Variants in MACC1 observed in about 807,000 individuals in gnomAD.
The protein encoded by MACC1 is MET transcriptional regulator MACC1, also known as metastasis-associated in colon cancer protein 1.
Under a neutral mutation model 70.7 loss-of-function variants are expected in MACC1, and 79 were observed. The ratio of observed to expected loss-of-function variants is 1.12; its 90% CI spans 0.93 to 1.35. The LOEUF (loss-of-function observed/expected upper bound fraction) is 1.35. MACC1 is among the 40% of genes most tolerant of loss of function. The pLI, the probability that MACC1 is intolerant of heterozygous loss-of-function variation, is 0.00. For synonymous variants in MACC1, 361 were observed against 347.2 expected (o/e 1.04, Z -0.44); for missense variants, 1,106 against 978.1 (o/e 1.13, Z -1.74).
At chr7:20,183,761 T>A (rs992947952) in intron 1 of MACC1, among the ~76,000 whole-genome samples, 3 of 147,814 alleles carry the variant, frequency 2.0e-5, no homozygotes, top group Non-Finnish European at 4.4e-5. Context: ...CGGGCTGGAG[T>A]GCAGTGGCAT....
intron 6 of MACC1, among the ~76,000 whole-genome samples, chr7:20,151,684 G>A (rs1434242310): frequency 1.3e-5 from 2 of 152,176 alleles, no homozygotes; most frequent in Non-Finnish European, 2.9e-5. Flanking sequence ...CAGAAAATCT[G>A]ACAAATTTAT....
rs1279829867 is a variant in MACC1 at position 20,135,160 on chromosome 7, T to C, written c.*5786A>G. The C allele has an allele frequency of 6.6e-6, 1 of 152,304 alleles. No individual in the cohort carries two copies. The highest frequency in any genetic ancestry group is 2.1e-4 in the South Asian group (1 of 4,824). 9.4% of individuals were successfully genotyped at this position (152,304 alleles called of 1,614,324 possible). A position where few individuals can be genotyped will look rare whatever the true frequency, so the allele number is the denominator to read the frequency against. On this transcript the variant is annotated 3_prime_UTR_variant, in exon 7 of 7. Coordinates refer to ENST00000400331, the MANE Select transcript of MACC1 (RefSeq NM_182762.4). ...TCCGAAGATATTTTACAGAAACAAA[T>C]GCAATGTTACATATATTTTGTAAAA...
intron 1 of MACC1, among the ~76,000 whole-genome samples, chr7:20,202,374 T>G (rs1782845701): frequency 6.6e-6 from 1 of 152,200 alleles, no homozygotes; most frequent in Non-Finnish European, 1.5e-5. Context: ...TTTTAGAAAT[T>G]TCTAGATTTC....
At chr7:20,180,929 G>A (rs572554103) in intron 1 of MACC1, among the ~76,000 whole-genome samples, 5 of 152,190 alleles carry the variant, frequency 3.3e-5, no homozygotes, top group Admixed American at 1.3e-4. Context: ...TATGAAATAT[G>A]TATAGAAATA....
chr7:20,181,115 A>G (rs1207372120), intron 1 of MACC1, among the ~76,000 whole-genome samples: 1 of 149,898 alleles, frequency 6.7e-6, no homozygotes, highest in African/African-American at 2.5e-5. Flanking sequence ...TGTATAATTA[A>G]CATTTACTTA....
At chr7:20,200,389 C>T (rs982432098) in intron 1 of MACC1, among the ~76,000 whole-genome samples, 5 of 152,114 alleles carry the variant, frequency 3.3e-5, no homozygotes, top group African/African-American at 1.2e-4. Flanking sequence ...AAAGAAAACA[C>T]ACGATGACTT....
intron 1 of MACC1, among the ~76,000 whole-genome samples, chr7:20,173,246 A>C (rs1490256202): frequency 6.6e-6 from 1 of 152,216 alleles, no homozygotes; most frequent in Non-Finnish European, 1.5e-5. Context: ...AAAACATATT[A>C]TTAAACATAA....
intron 1 of MACC1, among the ~76,000 whole-genome samples, chr7:20,201,472 G>A (rs544551841): frequency 1.3e-5 from 2 of 152,286 alleles, no homozygotes; most frequent in Admixed American, 1.3e-4. Context: ...GCAGAGGCAA[G>A]GATGGGGGAG....
chr7:20,170,647 A>ACAAG (rs1208772833), intron 2 of MACC1, 67 bp downstream of exon 2: 2 of 152,250 alleles, frequency 1.3e-5, no homozygotes, highest in Non-Finnish European at 2.9e-5. Context: ...ACTGTATGGA[A>ACAAG]TTAATCGTAA....
intron 1 of MACC1, among the ~76,000 whole-genome samples, chr7:20,187,090 A>G (rs1057375095): frequency 2.0e-5 from 3 of 152,228 alleles, no homozygotes; most frequent in Admixed American, 6.5e-5. Context: ...TAACCCAAGC[A>G]TAAGTGAAGA....
intron 1 of MACC1, among the ~76,000 whole-genome samples, chr7:20,175,880 T>C (rs1208712601): frequency 1.3e-5 from 2 of 152,062 alleles, no homozygotes; most frequent in Non-Finnish European, 2.9e-5. Context: ...ATAGCAAATA[T>C]AAAGCTGGAA....
chr7:20,187,150 G>C (rs1583403854), intron 1 of MACC1, among the ~76,000 whole-genome samples: 2 of 152,098 alleles, frequency 1.3e-5, no homozygotes, highest in Non-Finnish European at 2.9e-5. Context: ...CATGTAAATG[G>C]TAAGACCATA....
Position 20,141,011 on chromosome 7 carries a change from A to C in MACC1, c.2494T>G (p.Leu832Val), listed in dbSNP as rs1359882548. 6.2e-7 allele frequency: 1 copy of C among 1,613,956 alleles called. No homozygotes were observed. Among genetic ancestry groups the C allele is most frequent in the Non-Finnish European group, 8.5e-7 (1 of 1,179,988 alleles). Reference protein sequence around the residue: ...TKHWRELTGVLILVNSLEVLR... With the variant: ...TKHWRELTGVVILVNSLEVLR... ...ACCTCCAAAGAATTTACTAGTATTAAAACTCCAGTTAATTCTCTCCAGTGT... is the reference window on the plus strand; with the variant it reads ...ACCTCCAAAGAATTTACTAGTATTACAACTCCAGTTAATTCTCTCCAGTGT... Residue 832 changes from leucine (L) to valine (V), a missense_variant, in exon 7 of 7, where the codon TTA (leucine) becomes GTA (valine). Transcript: ENST00000400331.
At chr7:20,208,145 C>A (rs747426109) in intron 1 of MACC1, among the ~76,000 whole-genome samples, 1 of 152,182 alleles carries the variant, frequency 6.6e-6, no homozygotes, top group Non-Finnish European at 1.5e-5. Flanking sequence ...GTCAATTAAA[C>A]CTCTTTCTTT....
Position 20,154,230 on chromosome 7 carries a change from A to G in MACC1, c.2309T>C (p.Ile770Thr). 6.2e-7 allele frequency: 1 copy of G among 1,613,980 alleles called. No individual in the cohort carries two copies. The highest frequency in any genetic ancestry group is 1.1e-5 in the South Asian group (1 of 91,078). ...LTKQQMEAYEIPHRGNTGDVA... is the reference protein window; with the variant it reads ...LTKQQMEAYETPHRGNTGDVA... ...ATCTCCAGTGTTTCCTCGATGAGGAATTTCATATGCCTCCATTTGTTGCTT... is the reference window on the plus strand; with the variant it reads ...ATCTCCAGTGTTTCCTCGATGAGGAGTTTCATATGCCTCCATTTGTTGCTT... The change falls in exon 6 of 7, where the codon ATT becomes ACT. Residue 770 changes from isoleucine (I) to threonine (T), a missense_variant. By Grantham distance (89) the Ile-to-Thr change is moderately conservative. Coordinates refer to ENST00000400331, the MANE Select transcript of MACC1 (RefSeq NM_182762.4).
At chr7:20,196,875 G>A (rs1255037473) in intron 1 of MACC1, among the ~76,000 whole-genome samples, 1 of 152,124 alleles carries the variant, frequency 6.6e-6, no homozygotes, top group Non-Finnish European at 1.5e-5. Flanking sequence ...TCACCTCGCA[G>A]CCACTCACTT....
intron 1 of MACC1, chr7:20,184,855 G>A (rs886268105): frequency 8.6e-5 from 13 of 152,034 alleles, no homozygotes; most frequent in African/African-American, 2.7e-4. Flanking sequence ...TGGAAGAAAC[G>A]TCTTTTACAA....
chr7:20,141,632 A>G (rs926600626), intron 6 of MACC1, among the ~76,000 whole-genome samples: 1 of 152,204 alleles, frequency 6.6e-6, no homozygotes, highest in African/African-American at 2.4e-5. Context: ...AAGTCTATAA[A>G]CAAGCAAAAA....
chr7:20,193,952 T>C (rs536197306), intron 1 of MACC1, among the ~76,000 whole-genome samples: 58 of 152,242 alleles, frequency 3.8e-4, no homozygotes, highest in African/African-American at 1.4e-3. Context: ...TTTAATAATT[T>C]TGTGGATATG....
Sources: allele counts gnomAD v4.1 joint callset (sites outside exome capture counted in the v4.1 genomes callset), GRCh38; gene constraint gnomAD v4.1.1; transcripts MANE v1.5; gene names NCBI Gene and HGNC (gene_info 2026-07-23, HGNC 2026-07-21).